Variants in GRM7 observed in about 807,000 individuals in gnomAD.
The protein encoded by GRM7 is glutamate metabotropic receptor 7.
A neutral mutation model predicts 84.5 loss-of-function variants in GRM7; 35 were observed. That is an observed-to-expected ratio of 0.41 (90% CI 0.32 to 0.55). GRM7 has a LOEUF of 0.55. GRM7 is among the 20% of genes least tolerant of loss of function. GRM7 has a pLI of 0.19. For synonymous variants in GRM7, 487 were observed against 455.1 expected (o/e 1.07, Z -0.89); for missense variants, 1,003 against 1,194.6 (o/e 0.84, Z 2.36).
chr3:7,080,755 C>T (rs1014738507), intron 1 of GRM7, among the ~76,000 whole-genome samples: 1 of 151,836 alleles, frequency 6.6e-6, no homozygotes, highest in African/African-American at 2.4e-5. Flanking sequence ...AATTGCCATA[C>T]TTATATGACA....
intron 2 of GRM7, among the ~76,000 whole-genome samples, chr3:7,172,992 C>T (rs965171): frequency 0.26 from 39,755 of 151,826 alleles, 5,341 homozygotes; most frequent in Non-Finnish European, 0.28. Context: ...TAGATATACA[C>T]CTATATATTA....
At chr3:7,238,159 T>G (rs1697413796) in intron 2 of GRM7, among the ~76,000 whole-genome samples, 1 of 152,188 alleles carries the variant, frequency 6.6e-6, no homozygotes, top group South Asian at 2.1e-4. Flanking sequence ...TAAATAGCAC[T>G]TCTCATTACA....
intron 2 of GRM7, among the ~76,000 whole-genome samples, chr3:7,217,072 T>A (rs1005446978): frequency 1.3e-5 from 2 of 152,194 alleles, no homozygotes; most frequent in African/African-American, 4.8e-5. Context: ...GCTTACCTTT[T>A]GCTGAAATTG....
At chr3:7,482,224 A>G (rs970711673) in intron 7 of GRM7, among the ~76,000 whole-genome samples, 1 of 152,124 alleles carries the variant, frequency 6.6e-6, no homozygotes, top group African/African-American at 2.4e-5. Context: ...AACAGAAATG[A>G]ATATTTCACA....
chr3:7,496,493 G>GTTTCC (rs1699706690), intron 7 of GRM7, among the ~76,000 whole-genome samples: 7 of 152,118 alleles, frequency 4.6e-5, no homozygotes, highest in Non-Finnish European at 8.8e-5. Flanking sequence ...CTTTTCCTGA[G>GTTTCC]TGAAAGAGAC....
chr3:6,900,625 A>C (rs1696349337), intron 1 of GRM7, among the ~76,000 whole-genome samples: 1 of 152,224 alleles, frequency 6.6e-6, no homozygotes, highest in Admixed American at 6.5e-5. Flanking sequence ...GATATACAGA[A>C]AGAGAAGTCT....
intron 1 of GRM7, among the ~76,000 whole-genome samples, chr3:7,054,357 A>G (rs989389061): frequency 1.3e-5 from 2 of 149,632 alleles, no homozygotes; most frequent in African/African-American, 4.9e-5. Context: ...TATATGATAT[A>G]TGTATGATAT....
chr3:7,143,050 T>G (rs1694000362), intron 1 of GRM7, among the ~76,000 whole-genome samples: 1 of 152,162 alleles, frequency 6.6e-6, no homozygotes, highest in African/African-American at 2.4e-5. Flanking sequence ...CTAAATTGCC[T>G]TTATCAAAAG....
intron 1 of GRM7, among the ~76,000 whole-genome samples, chr3:7,025,455 G>C (rs17046613): frequency 0.029 from 4,474 of 152,278 alleles, 227 homozygotes; most frequent in African/African-American, 0.1. Flanking sequence ...GTGAGTAGGT[G>C]ACTATAGAAA....
At chr3:7,246,012 T>C (rs939835820) in intron 2 of GRM7, among the ~76,000 whole-genome samples, 2 of 152,050 alleles carry the variant, frequency 1.3e-5, no homozygotes, top group African/African-American at 4.8e-5. Context: ...ATAATGTAAA[T>C]AACTGAAGAG....
chr3:7,711,892 C>T (rs1027717285), intron 9 of GRM7, among the ~76,000 whole-genome samples: 1 of 152,220 alleles, frequency 6.6e-6, no homozygotes, highest in African/African-American at 2.4e-5. Flanking sequence ...TTTCTGTACC[C>T]ACTTGAGCTA....
intron 9 of GRM7, among the ~76,000 whole-genome samples, chr3:7,683,909 G>A (rs1453704476): frequency 1.4e-5 from 2 of 147,974 alleles, no homozygotes; most frequent in African/African-American, 5.0e-5. Flanking sequence ...CAAAGTTTTA[G>A]CATTGATACT....
In GRM7 at chr3:7,252,733, A is replaced by G. The variant is rs149960251; in HGVS notation, c.737-45951A>G. 3.6e-3 allele frequency among the ~76,000 whole-genome samples: 194 copies of G among 53,688 alleles called. 1 individual carries two copies. The highest frequency in any genetic ancestry group is 9.1e-3 in the African/African-American group (176 of 19,338). The allele number at this position is 53,688 out of a possible 152,430, so 35.2% of individuals were successfully genotyped here. ...GAGATGGAGTTTTGCTGTGTTGCCC[A>G]GCTGGAGTGCAGTGGTGTGATCTCG... On this transcript the variant is annotated intron_variant, in intron 2 of 9. Transcript: ENST00000357716.
chr3:7,323,833 A>C (rs1177153534), intron 4 of GRM7, among the ~76,000 whole-genome samples: 1 of 152,138 alleles, frequency 6.6e-6, no homozygotes, highest in Admixed American at 6.6e-5. Context: ...GTATTATGAA[A>C]TGTAATCTTG....
intron 8 of GRM7, among the ~76,000 whole-genome samples, chr3:7,641,680 C>T (rs1305553354): frequency 1.3e-5 from 2 of 151,790 alleles, no homozygotes; most frequent in African/African-American, 4.9e-5. Context: ...AATTATTGAT[C>T]TTAAAAGAAG....
chr3:7,478,927 T>C (rs1699028871), intron 7 of GRM7, among the ~76,000 whole-genome samples: 1 of 152,142 alleles, frequency 6.6e-6, no homozygotes, highest in South Asian at 2.1e-4. Context: ...CCCAGAGCAC[T>C]CTAAACATGA....
intron 8 of GRM7, among the ~76,000 whole-genome samples, chr3:7,662,039 A>G (rs1559472032): frequency 6.6e-6 from 1 of 152,150 alleles, no homozygotes; most frequent in Non-Finnish European, 1.5e-5. Flanking sequence ...AAATCATAGT[A>G]TATCCTTGCA....
At chr3:7,112,078 C>T (rs1692872316) in intron 1 of GRM7, among the ~76,000 whole-genome samples, 1 of 152,264 alleles carries the variant, frequency 6.6e-6, no homozygotes, top group South Asian at 2.1e-4. Context: ...GAGCTGTTAA[C>T]ACTGCATGTG....
At chr3:7,372,800 T>C (rs1694194488) in intron 4 of GRM7, among the ~76,000 whole-genome samples, 1 of 152,078 alleles carries the variant, frequency 6.6e-6, no homozygotes, top group South Asian at 2.1e-4. Flanking sequence ...GTGGTGTATG[T>C]GACAGGGGTG....
Sources: allele counts gnomAD v4.1 joint callset (sites outside exome capture counted in the v4.1 genomes callset), GRCh38; gene constraint gnomAD v4.1.1; transcripts MANE v1.5; gene names NCBI Gene and HGNC (gene_info 2026-07-23, HGNC 2026-07-21).